BRI3BP: variants seen among roughly 807,000 people sequenced by gnomAD.
The protein encoded by BRI3BP is BRI3-binding protein.
BRI3BP carries 7 observed loss-of-function variants against 15.8 expected under a neutral mutation model. The observed-to-expected ratio is 0.44, with a 90% CI of 0.25 to 0.83. BRI3BP has a LOEUF of 0.83. Ranked by LOEUF, BRI3BP falls within the 40% of genes least tolerant of loss-of-function variation. BRI3BP has a pLI of 0.20. For synonymous variants in BRI3BP, 192 were observed against 163.5 expected (o/e 1.17, Z -1.33); for missense variants, 320 against 339.3 (o/e 0.94, Z 0.45).
chr12:125,003,954 AAAACACACACACACAC>A lies in BRI3BP; in HGVS notation c.214-8578_214-8563del, dbSNP rs1194619088. 1.2e-4 allele frequency among the ~76,000 whole-genome samples: 11 copies of A among 95,092 alleles called. 1 individual carries two copies. In the South Asian group the frequency reaches 1.5e-3, roughly 13 times the overall value. The allele number at this position is 95,092 out of a possible 152,430, so 62.4% of individuals were successfully genotyped here. On this transcript the variant is annotated intron_variant, in intron 1 of 2. Transcript: ENST00000341446. ...GGCGACAGAGCGAGACTCCATCTCA[AAAACACACACACACAC>A]ACACACACACACACACACACACACA...
At chr12:125,044,248 G>A in the BRI3BP span, among the ~76,000 whole-genome samples, 4 of 152,078 alleles carry the variant, frequency 2.6e-5, no homozygotes, top group Admixed American at 6.6e-5. Context: ...CAGCTCCCGG[G>A]TTCAAGCGAT....
the BRI3BP span, among the ~76,000 whole-genome samples, chr12:125,045,990 C>T: frequency 5.7e-4 from 87 of 151,954 alleles, 2 homozygotes; most frequent in African/African-American, 1.9e-3. Context: ...CATGGTGAAA[C>T]CCCGTCTCTA....
At chr12:124,999,137 T>A (rs1955062616) in intron 1 of BRI3BP, among the ~76,000 whole-genome samples, 1 of 152,142 alleles carries the variant, frequency 6.6e-6, no homozygotes, top group Non-Finnish European at 1.5e-5. Flanking sequence ...AGAAAATGAT[T>A]CCTCTCAGGC....
chr12:125,038,947 G>A, the BRI3BP span, among the ~76,000 whole-genome samples: 18 of 151,562 alleles, frequency 1.2e-4, no homozygotes, highest in Non-Finnish European at 2.2e-4. Context: ...AAAATTAGCC[G>A]GGCATGGTGG....
rs776555274 is a variant in BRI3BP, at chr12:125,025,383, C to T, written c.709C>T (p.Arg237Cys). 9.3e-6 allele frequency: 15 copies of T among 1,610,730 alleles called. No individual in the cohort carries two copies. In the South Asian group the frequency reaches 1.2e-4, roughly 13 times the overall value. Reference protein sequence around the residue: ...LEKQVRLLNIRLNRVLESLDR... With the variant: ...LEKQVRLLNICLNRVLESLDR... ...GAAGCAGGTCAGACTGCTCAACATC[C>T]GTCTCAACCGGGTGCTCGAGAGCCT... is the stretch of plus-strand genomic sequence containing the variant. The change falls in exon 3 of 3, where the codon CGT becomes TGT. Residue 237 changes from arginine (R) to cysteine (C), a missense_variant. By Grantham distance (180) the Arg-to-Cys change is radical. Transcript: ENST00000341446.
At chr12:125,051,011 C>T in the BRI3BP span, among the ~76,000 whole-genome samples, 1 of 152,288 alleles carries the variant, frequency 6.6e-6, no homozygotes, top group African/African-American at 2.4e-5. Context: ...TTCACACTTA[C>T]ATAAGAGGAA....
rs573464976 is a variant in BRI3BP at position 125,022,518 on chromosome 12, A to ATTATTTATTTATTTATTTAT, written c.317-2466_317-2447dup. Among the ~76,000 whole-genome samples, 51 of 144,424 alleles carry ATTATTTATTTATTTATTTAT rather than the reference A, an allele frequency of 3.5e-4. 1 individual carries two copies. Among genetic ancestry groups the ATTATTTATTTATTTATTTAT allele is most frequent in the African/African-American group, 1.3e-3 (49 of 37,332 alleles). The allele number at this position is 144,424 out of a possible 152,430, so 94.7% of individuals were successfully genotyped here. On this transcript the variant is annotated intron_variant, in intron 2 of 2. Coordinates refer to ENST00000341446, the MANE Select transcript of BRI3BP (RefSeq NM_080626.6). ...TGATGTTATATGGAATTGTTAATTT[A>ATTATTTATTTATTTATTTAT]TTATTTATTTATTTATTTATTTATT...
chr12:125,046,152 G>A, the BRI3BP span, among the ~76,000 whole-genome samples: 2 of 151,642 alleles, frequency 1.3e-5, no homozygotes, highest in African/African-American at 2.4e-5. Context: ...GGACAAGAAT[G>A]AGACTTTGTC....
At chr12:124,994,390 C>T (rs1955023480) in intron 1 of BRI3BP, among the ~76,000 whole-genome samples, 1 of 152,190 alleles carries the variant, frequency 6.6e-6, no homozygotes, top group African/African-American at 2.4e-5. Flanking sequence ...GCGGCTGCGC[C>T]CTCCCCAGCT....
At chr12:125,039,183 A>G in the BRI3BP span, among the ~76,000 whole-genome samples, 1 of 152,226 alleles carries the variant, frequency 6.6e-6, no homozygotes, top group African/African-American at 2.4e-5. Flanking sequence ...ATAAGGAATC[A>G]TGGAAGTCAG....
chr12:124,998,090 C>T lies in BRI3BP; in HGVS notation c.213+4087C>T, dbSNP rs144504512. On this transcript the variant is annotated intron_variant, in intron 1 of 2. Coordinates refer to ENST00000341446, the MANE Select transcript of BRI3BP (RefSeq NM_080626.6). ...AGTGAGCCAAGATTGCACCGTTGCG[C>T]GCGCCAGCCTGGGCAACGAGTGAAA... Among the ~76,000 whole-genome samples the T allele has an allele frequency of 5.7e-3, 851 of 149,020 alleles. 6 individuals carry two copies. The highest frequency in any genetic ancestry group is 0.017 in the African/African-American group (690 of 40,124).
intron 1 of BRI3BP, among the ~76,000 whole-genome samples, chr12:124,994,783 G>C (rs571611144): frequency 6.6e-6 from 1 of 152,310 alleles, no homozygotes; most frequent in Non-Finnish European, 1.5e-5. Context: ...GTGTGGTATT[G>C]CGGTTCCTTT....
At chr12:124,999,940 A>C (rs1955072447) in intron 1 of BRI3BP, among the ~76,000 whole-genome samples, 1 of 144,222 alleles carries the variant, frequency 6.9e-6, no homozygotes, top group South Asian at 2.2e-4. Context: ...TTTTGGCTTT[A>C]TTATGTATGA....
chr12:125,007,975 A>C (rs1307146316), intron 1 of BRI3BP, among the ~76,000 whole-genome samples: 3 of 152,042 alleles, frequency 2.0e-5, no homozygotes, highest in Non-Finnish European at 4.4e-5. Flanking sequence ...CAAGGTCCTC[A>C]ACCTGGAGTG....
Position 125,025,817 on chromosome 12 carries a change from C to A in BRI3BP, c.*387C>A. On this transcript the variant is annotated 3_prime_UTR_variant, in exon 3 of 3. Transcript: ENST00000341446. ...TTGAGTCAAGTTTATTAAAACTTTA[C>A]ATGGAGGGGAAGAATATGCTAATTT... 1 of 166,320 alleles carries A rather than the reference C, an allele frequency of 6.0e-6. No individual in the cohort carries two copies. Among genetic ancestry groups the A allele is most frequent in the Middle Eastern group, 2.8e-3 (1 of 356 alleles). The allele number at this position is 166,320 out of a possible 1,614,324, so 10.3% of individuals were successfully genotyped here. A position where few individuals can be genotyped will look rare whatever the true frequency, so the allele number is the denominator to read the frequency against.
intron 1 of BRI3BP, among the ~76,000 whole-genome samples, chr12:125,011,944 AC>A (rs1297632202): frequency 2.6e-5 from 4 of 152,148 alleles, no homozygotes; most frequent in African/African-American, 9.7e-5. Flanking sequence ...TAATCCCAGG[AC>A]TTTGGGAGGG....
At chr12:124,995,912 C>A (rs1297707112) in intron 1 of BRI3BP, among the ~76,000 whole-genome samples, 1 of 152,108 alleles carries the variant, frequency 6.6e-6, no homozygotes, top group Non-Finnish European at 1.5e-5. Flanking sequence ...GACCTGACTT[C>A]TTTCCTTTTT....
At chr12:125,003,707 C>T (rs1955115963) in intron 1 of BRI3BP, among the ~76,000 whole-genome samples, 1 of 152,116 alleles carries the variant, frequency 6.6e-6, no homozygotes, top group Non-Finnish European at 1.5e-5. Context: ...AATCCCAGCA[C>T]TTTGGGAGGC....
chr12:125,025,362 C>A lies in BRI3BP; in HGVS notation c.688C>A (p.Gln230Lys). ...VEEKLEHLEK[Q>K]VRLLNIRLNR... ...GGAGAAGCTGGAGCACCTGGAGAAG[C>A]AGGTCAGACTGCTCAACATCCGTCT... Residue 230 changes from glutamine (Q) to lysine (K), a missense_variant, in exon 3 of 3, where the codon CAG (glutamine) becomes AAG (lysine). Gln to Lys is a moderately conservative substitution (Grantham distance 53). Transcript: ENST00000341446. 2 of 1,612,782 alleles carry A rather than the reference C, an allele frequency of 1.2e-6. No homozygotes were observed. The highest frequency in any genetic ancestry group is 2.2e-5 in the East Asian group (1 of 44,878).
Sources: allele counts gnomAD v4.1 joint callset (sites outside exome capture counted in the v4.1 genomes callset), GRCh38; gene constraint gnomAD v4.1.1; transcripts MANE v1.5; gene names NCBI Gene and HGNC (gene_info 2026-07-23, HGNC 2026-07-21).